Variants in LIN28B observed in about 807,000 individuals in gnomAD.
The protein encoded by LIN28B is protein lin-28 homolog B.
In LIN28B, 5 loss-of-function variants were observed where a neutral mutation model predicts 21.9. The observed-to-expected ratio is 0.23, with a 90% CI of 0.12 to 0.48. The LOEUF is 0.48. Among genes scored for constraint, LIN28B ranks in the 20% least tolerant of loss-of-function variants. LIN28B has a pLI of 0.98. For missense variants in LIN28B, 245 were observed against 310.5 expected (o/e 0.79, Z 1.58); for synonymous variants, 109 against 111.3 (o/e 0.98, Z 0.13).
chr6:105,020,876 C>T (rs1224019730), intron 2 of LIN28B, among the ~76,000 whole-genome samples: 2 of 151,750 alleles, frequency 1.3e-5, no homozygotes, highest in Admixed American at 6.6e-5. Context: ...CCTCAGCTTC[C>T]CGAGTAGCTG....
intron 2 of LIN28B, among the ~76,000 whole-genome samples, chr6:104,944,588 A>C (rs1778135265): frequency 6.6e-6 from 1 of 152,106 alleles, no homozygotes; most frequent in South Asian, 2.1e-4. Flanking sequence ...ATTTGGGGGA[A>C]ATTTTCTATT....
At chr6:105,020,747 CTTTTTTTT>C (rs1176851045) in intron 2 of LIN28B, among the ~76,000 whole-genome samples, 4 of 85,388 alleles carry the variant, frequency 4.7e-5, no homozygotes, top group Non-Finnish European at 8.3e-5. Context: ...TCATTCCACT[CTTTTTTTT>C]TTTTTTTTTT....
chr6:105,020,958 T>G lies in LIN28B; in HGVS notation c.199-5340T>G, dbSNP rs192144766. Among the ~76,000 whole-genome samples, 961 of 151,916 alleles carry G rather than the reference T, an allele frequency of 6.3e-3. 3 individuals carry two copies. The highest frequency in any genetic ancestry group is 0.014 in the Middle Eastern group (4 of 294). On this transcript the variant is annotated intron_variant, in intron 2 of 3. Coordinates refer to ENST00000345080, the MANE Select transcript of LIN28B (RefSeq NM_001004317.4). ...TTTTAGTAGAAATGGGGTTTCACCG[T>G]GTTAGCCAGGATGGTCTTGATTTCC...
At chr6:105,062,013 G>A (rs551529019) in intron 3 of LIN28B, among the ~76,000 whole-genome samples, 5 of 151,924 alleles carry the variant, frequency 3.3e-5, no homozygotes, top group Admixed American at 2.0e-4. Context: ...TTTCTACTTC[G>A]GTGTTATACT....
At chr6:105,042,794 G>A (rs1771663166) in intron 3 of LIN28B, among the ~76,000 whole-genome samples, 1 of 152,160 alleles carries the variant, frequency 6.6e-6, no homozygotes, top group African/African-American at 2.4e-5. Context: ...AGGTTACTTT[G>A]TCCCTATGAA....
chr6:104,973,626 C>T (rs1280938654), intron 2 of LIN28B, among the ~76,000 whole-genome samples: 4 of 152,206 alleles, frequency 2.6e-5, no homozygotes, highest in Non-Finnish European at 5.9e-5. Context: ...CTGTCTTTAG[C>T]AGAAGTGTCG....
At chr6:104,986,369 TTATC>T (rs59908450) in intron 2 of LIN28B, among the ~76,000 whole-genome samples, 75,880 of 151,496 alleles carry the variant, frequency 0.5, 20,224 homozygotes, top group East Asian at 0.69. Flanking sequence ...ATTGGCCTTT[TTATC>T]TATCCTTGCT....
intron 2 of LIN28B, among the ~76,000 whole-genome samples, chr6:105,009,307 A>G (rs1359503516): frequency 6.6e-6 from 1 of 152,192 alleles, no homozygotes; most frequent in African/African-American, 2.4e-5. Flanking sequence ...CTTTAAAAAT[A>G]TATTTAAAAA....
intron 3 of LIN28B, among the ~76,000 whole-genome samples, chr6:105,056,263 T>TTTTG (rs764196237): frequency 1.1e-4 from 16 of 152,060 alleles, no homozygotes; most frequent in Non-Finnish European, 2.2e-4. Flanking sequence ...GCGTAGTAAT[T>TTTTG]TTTTTATTGT....
At chr6:104,970,298 G>C (rs974926423) in intron 2 of LIN28B, among the ~76,000 whole-genome samples, 3 of 152,030 alleles carry the variant, frequency 2.0e-5, no homozygotes, top group Non-Finnish European at 4.4e-5. Context: ...TTGGCTTTCA[G>C]GCCCCACCCA....
intron 3 of LIN28B, among the ~76,000 whole-genome samples, chr6:105,055,561 A>G (rs1041928477): frequency 6.6e-6 from 1 of 152,092 alleles, no homozygotes; most frequent in Non-Finnish European, 1.5e-5. Context: ...ATAAGCAAAA[A>G]TATCTTCATA....
At chr6:105,033,794 T>A (rs1771471291) in intron 3 of LIN28B, among the ~76,000 whole-genome samples, 1 of 151,852 alleles carries the variant, frequency 6.6e-6, no homozygotes, top group Admixed American at 6.6e-5. Context: ...AAAAACATGA[T>A]TTACTATGAA....
chr6:105,006,285 C>G (rs1270324378), intron 2 of LIN28B, among the ~76,000 whole-genome samples: 4 of 152,044 alleles, frequency 2.6e-5, no homozygotes, highest in Non-Finnish European at 5.9e-5. Context: ...TCAGCATAGT[C>G]TAGATTATGG....
At chr6:105,030,588 CTTTCTTTTTTTTTT>C (rs1771400188) in intron 3 of LIN28B, among the ~76,000 whole-genome samples, 1 of 134,480 alleles carries the variant, frequency 7.4e-6, no homozygotes, top group South Asian at 2.4e-4. Context: ...TTCTTTCTTT[CTTTCTTTTTTTTTT>C]TTTTTTTTTT....
Position 104,996,414 on chromosome 6 carries a change from T to G in LIN28B, c.199-29884T>G, listed in dbSNP as rs376737544. Among the ~76,000 whole-genome samples, 19 of 152,350 alleles carry G rather than the reference T, an allele frequency of 1.2e-4. No individual in the cohort carries two copies. The East Asian group carries it at 2.9e-3, about 23-fold the overall frequency. ...TGTTAGTGTTCTCTGAAATTGTTTA[T>G]GTTCAACAGAACACTCTTGGCCTAA... On this transcript the variant is annotated intron_variant, in intron 2 of 3. Transcript: ENST00000345080.
At chr6:105,055,919 CT>C (rs71006633) in intron 3 of LIN28B, among the ~76,000 whole-genome samples, 69 of 83,420 alleles carry the variant, frequency 8.3e-4, no homozygotes, top group African/African-American at 2.6e-3. Context: ...CCATGCCTGG[CT>C]TTTTTTTTTT....
chr6:104,992,682 T>A (rs566409336), intron 2 of LIN28B, among the ~76,000 whole-genome samples: 32 of 151,714 alleles, frequency 2.1e-4, no homozygotes, highest in East Asian at 1.4e-3. Flanking sequence ...ATTAAAAAAA[T>A]TTTTTTTTGT....
At chr6:105,048,238 A>G (rs1771813627) in intron 3 of LIN28B, among the ~76,000 whole-genome samples, 1 of 152,222 alleles carries the variant, frequency 6.6e-6, no homozygotes, top group South Asian at 2.1e-4. Context: ...AGGGCTGTTG[A>G]ATTTCGTCAA....
chr6:105,048,975 A>G (rs936027091), intron 3 of LIN28B, among the ~76,000 whole-genome samples: 1 of 151,976 alleles, frequency 6.6e-6, no homozygotes, highest in Non-Finnish European at 1.5e-5. Context: ...AAGCTCCTGG[A>G]TTCATTGATG....
Sources: allele counts gnomAD v4.1 joint callset (sites outside exome capture counted in the v4.1 genomes callset), GRCh38; gene constraint gnomAD v4.1.1; transcripts MANE v1.5; gene names NCBI Gene and HGNC (gene_info 2026-07-23, HGNC 2026-07-21).